TRIM55: variants seen among roughly 807,000 people sequenced by gnomAD.
TRIM55 encodes the protein tripartite motif-containing protein 55.
TRIM55 carries 50 observed loss-of-function variants against 60.9 expected under a neutral mutation model. The ratio of observed to expected loss-of-function variants is 0.82; its 90% CI spans 0.65 to 1.04. The LOEUF is 1.04. Ranked by LOEUF, TRIM55 falls within the 50% of genes least tolerant of loss-of-function variation. The probability of loss-of-function intolerance (pLI) is 0.00; values close to 1 mark genes in which losing one functional copy is unlikely to be tolerated. For missense variants in TRIM55, 681 were observed against 666.9 expected (o/e 1.02, Z -0.23); for synonymous variants, 237 against 238.1 (o/e 1.00, Z 0.04).
chr8:66,150,360 G>A lies in TRIM55; in HGVS notation c.879G>A (p.Lys293=). ...GTTGCAGAATCTCGGAAGCATCAAA[G>A]GCATTTCAGATGGAGAAAATAGAAC... The part of the protein sequence containing the change: ...TLLKKISEAS[K]AFQMEKIEHG... Residue 293 remains lysine (K), a synonymous_variant, in exon 7 of 10, where the codon AAG becomes AAA. Transcript: ENST00000315962. 4 of 1,614,162 alleles carry A rather than the reference G, an allele frequency of 2.5e-6. No homozygotes were observed. The highest frequency in any genetic ancestry group is 1.6e-4 in the Middle Eastern group (1 of 6,062).
intron 8 of TRIM55, among the ~76,000 whole-genome samples, chr8:66,153,407 T>C (rs914526631): frequency 6.6e-6 from 1 of 152,198 alleles, no homozygotes; most frequent in African/African-American, 2.4e-5. Flanking sequence ...TCCCAACCTT[T>C]TGAGTTTGCA....
the TRIM55 span, among the ~76,000 whole-genome samples, chr8:66,117,959 G>A: frequency 0.033 from 4,963 of 151,792 alleles, 132 homozygotes; most frequent in Middle Eastern, 0.051. Context: ...GAGATCAGGA[G>A]ATCGAGCCCA....
intron 9 of TRIM55, among the ~76,000 whole-genome samples, chr8:66,172,111 C>T (rs749771130): frequency 2.0e-5 from 3 of 151,952 alleles, no homozygotes; most frequent in Non-Finnish European, 4.4e-5. Flanking sequence ...AAGGACCAAC[C>T]TAATATAAGT....
chr8:66,137,065 G>C, intron 3 of TRIM55, 30 bp from the exon 4 acceptor site: 1 of 1,592,582 alleles, frequency 6.3e-7, no homozygotes. Flanking sequence ...AAACCCCTAA[G>C]ATATTGGGTT....
intron 9 of TRIM55, among the ~76,000 whole-genome samples, chr8:66,160,679 C>T (rs996285445): frequency 6.6e-6 from 1 of 151,714 alleles, no homozygotes; most frequent in African/African-American, 2.4e-5. Flanking sequence ...TCCCCACCAA[C>T]ATTTTTTTTT....
chr8:66,160,047 G>A (rs999757544), intron 9 of TRIM55, among the ~76,000 whole-genome samples: 11 of 152,094 alleles, frequency 7.2e-5, no homozygotes, highest in African/African-American at 2.6e-4. Flanking sequence ...GGTGGTGTTT[G>A]ATTACCTGAA....
At chr8:66,132,492 T>A (rs1809220168) in intron 2 of TRIM55, among the ~76,000 whole-genome samples, 1 of 152,112 alleles carries the variant, frequency 6.6e-6, no homozygotes, top group African/African-American at 2.4e-5. Flanking sequence ...ACTACTTCAA[T>A]TGCCTCACCA....
In TRIM55 at chr8:66,141,206, A is replaced by G. The variant is rs4737766; in HGVS notation, c.603+4016A>G. Among the ~76,000 whole-genome samples the G allele has an allele frequency of 4.5e-3, 686 of 152,346 alleles. 18 individuals carry two copies. The East Asian group carries it at 0.055, about 12-fold the overall frequency. Reference sequence around the variant, plus strand: ...TCTGCATTAACATGAATTTACTGTGATAATGAAGAAGGATTTGAGAATGCC... The same window carrying G: ...TCTGCATTAACATGAATTTACTGTGGTAATGAAGAAGGATTTGAGAATGCC... On this transcript the variant is annotated intron_variant, in intron 4 of 9. Transcript: ENST00000315962.
At chr8:66,119,960 T>C in the TRIM55 span, among the ~76,000 whole-genome samples, 7 of 152,326 alleles carry the variant, frequency 4.6e-5, no homozygotes, top group Non-Finnish European at 7.4e-5. Flanking sequence ...GAAATTCTTA[T>C]GGACAGTGCC....
At chr8:66,125,762 C>G (rs1808796186), upstream of TRIM55, among the ~76,000 whole-genome samples, 1 of 152,114 alleles carries the variant, frequency 6.6e-6, no homozygotes, top group South Asian at 2.1e-4. Flanking sequence ...GTTAATAGAG[C>G]TTACTAGATT....
chr8:66,152,770 C>T (rs1416192078), intron 8 of TRIM55, 143 bp downstream of exon 8: 1 of 1,176,082 alleles, frequency 8.5e-7, no homozygotes, highest in African/African-American at 1.5e-5. Context: ...GATTTCAGGA[C>T]AGTCCTCATG....
At chr8:66,143,584 T>A (rs73693918) in intron 4 of TRIM55, among the ~76,000 whole-genome samples, 7,715 of 148,430 alleles carry the variant, frequency 0.052, 598 homozygotes, top group African/African-American at 0.17. Flanking sequence ...GTTTTTGGGT[T>A]TTTTTTTTTT....
At chr8:66,113,652 C>T in the TRIM55 span, 1 of 452,918 alleles carries the variant, frequency 2.2e-6, no homozygotes, top group Non-Finnish European at 4.4e-6. Context: ...GTTCCCAGCG[C>T]AGCTGTGGGT....
chr8:66,156,024 C>G (rs1374912702), intron 9 of TRIM55, among the ~76,000 whole-genome samples: 1 of 152,144 alleles, frequency 6.6e-6, no homozygotes, highest in African/African-American at 2.4e-5. Context: ...TAGGGGAGGC[C>G]AGTTTCAAGT....
rs1315794553 is a variant in TRIM55 at position 66,135,077 on chromosome 8, C to T, written c.429C>T (p.Thr143=). Residue 143 remains threonine (T), a synonymous_variant, in exon 3 of 10, where the codon ACC becomes ACT. Coordinates refer to ENST00000315962, the MANE Select transcript of TRIM55 (RefSeq NM_184085.2). The part of the protein sequence containing the change: ...NIYCLNCEVP[T]CSLCKVFGAH... ...ACTGTCTGAACTGCGAAGTACCCACCTGCTCTCTGTGCAAGGTGTTTGGTG... is the reference window on the plus strand; with the variant it reads ...ACTGTCTGAACTGCGAAGTACCCACTTGCTCTCTGTGCAAGGTGTTTGGTG... The T allele has an allele frequency of 6.2e-7, 1 of 1,614,240 alleles. No individual in the cohort carries two copies. Among genetic ancestry groups the T allele is most frequent in the Admixed American group, 1.7e-5 (1 of 60,036 alleles).
chr8:66,160,899 T>C (rs1278736819), intron 9 of TRIM55, among the ~76,000 whole-genome samples: 1 of 151,848 alleles, frequency 6.6e-6, no homozygotes, highest in East Asian at 1.9e-4. Context: ...TTGTTTGAGT[T>C]CCTTGTAGAT....
chr8:66,116,638 C>T, the TRIM55 span, among the ~76,000 whole-genome samples: 1 of 70,388 alleles, frequency 1.4e-5, no homozygotes, highest in Non-Finnish European at 2.3e-5. Context: ...AGAAAAAAGA[C>T]TGGAAACATG....
the TRIM55 span, chr8:66,114,446 TGGG>T: frequency 2.3e-6 from 1 of 439,776 alleles, no homozygotes; most frequent in Non-Finnish European, 4.6e-6. Flanking sequence ...CCCATTTAAT[TGGG>T]GGGAAATTCA....
chr8:66,171,921 C>T (rs934354530), intron 9 of TRIM55, among the ~76,000 whole-genome samples: 5 of 152,036 alleles, frequency 3.3e-5, no homozygotes, highest in African/African-American at 7.3e-5. Flanking sequence ...AGAAAAGATG[C>T]CCAATTCTGG....
Sources: gnomAD v4.1 joint callset for allele counts (sites outside exome capture counted in the v4.1 genomes callset) on GRCh38, gnomAD v4.1.1 for gene constraint, MANE v1.5 for transcripts, NCBI Gene and HGNC (gene_info 2026-07-23, HGNC 2026-07-21) for gene names.